Variants in THSD4 observed in about 807,000 individuals in gnomAD.
The protein encoded by THSD4 is thrombospondin type-1 domain-containing protein 4.
THSD4 carries 69 observed loss-of-function variants against 119.0 expected under a neutral mutation model. The observed-to-expected ratio is 0.58, with a 90% confidence interval of 0.48 to 0.71. THSD4 has a LOEUF of 0.71. Among genes scored for constraint, THSD4 ranks in the 30% least tolerant of loss-of-function variants. The pLI, the probability that THSD4 is intolerant of heterozygous loss-of-function variation, is 0.00. For missense variants in THSD4, 1,393 were observed against 1,391.1 expected (o/e 1.00, Z -0.02); for synonymous variants, 524 against 540.4 (o/e 0.97, Z 0.42).
intron 3 of THSD4, among the ~76,000 whole-genome samples, chr15:71,158,108 G>T (rs1330118878): frequency 6.8e-6 from 1 of 147,918 alleles, no homozygotes; most frequent in Non-Finnish European, 1.5e-5. Context: ...CCCACAGTAC[G>T]TAAGTGTTCA....
At chr15:71,223,318 ACT>A (rs1234860933) in intron 4 of THSD4, among the ~76,000 whole-genome samples, 2 of 152,142 alleles carry the variant, frequency 1.3e-5, no homozygotes, top group African/African-American at 4.8e-5. Flanking sequence ...GAAAGGTAAC[ACT>A]CATTAATTTA....
chr15:71,326,975 C>T (rs1232488353), intron 6 of THSD4, among the ~76,000 whole-genome samples: 1 of 151,392 alleles, frequency 6.6e-6, no homozygotes, highest in African/African-American at 2.4e-5. Context: ...CAAGACTAGC[C>T]TGACCAACAT....
At chr15:71,611,947 G>A (rs2050238422) in intron 7 of THSD4, among the ~76,000 whole-genome samples, 1 of 152,214 alleles carries the variant, frequency 6.6e-6, no homozygotes, top group Non-Finnish European at 1.5e-5. Flanking sequence ...CAGGGATGAG[G>A]TCTTGGAGGC....
At chr15:71,305,943 C>T (rs1039117883) in intron 6 of THSD4, among the ~76,000 whole-genome samples, 1 of 152,268 alleles carries the variant, frequency 6.6e-6, no homozygotes, top group South Asian at 2.1e-4. Context: ...ATGCAGCTTT[C>T]CCTTTATTAC....
intron 7 of THSD4, among the ~76,000 whole-genome samples, chr15:71,530,918 G>A (rs1330551109): frequency 1.3e-5 from 2 of 151,456 alleles, no homozygotes; most frequent in East Asian, 3.9e-4. Context: ...TGAAGTACAG[G>A]GGCTTAGAGA....
At chr15:71,532,323 T>TGTGTGTGTGC (rs2048625678) in intron 7 of THSD4, among the ~76,000 whole-genome samples, 1 of 144,294 alleles carries the variant, frequency 6.9e-6, no homozygotes, top group Non-Finnish European at 1.5e-5. Flanking sequence ...TGTGTGTGTG[T>TGTGTGTGTGC]GTGTGTGTGA....
At chr15:71,202,979 T>C (rs971910943) in intron 3 of THSD4, among the ~76,000 whole-genome samples, 11 of 152,058 alleles carry the variant, frequency 7.2e-5, no homozygotes. Flanking sequence ...ACATTGCTGG[T>C]GGGGACGTAG....
At chr15:71,634,786 C>T (rs920869689) in intron 7 of THSD4, among the ~76,000 whole-genome samples, 2 of 152,194 alleles carry the variant, frequency 1.3e-5, no homozygotes, top group African/African-American at 4.8e-5. Flanking sequence ...ATTCCATGTA[C>T]GCCTTACGCA....
At chr15:71,116,410 C>G (rs942188123) in intron 1 of THSD4, among the ~76,000 whole-genome samples, 1 of 152,224 alleles carries the variant, frequency 6.6e-6, no homozygotes, top group African/African-American at 2.4e-5. Flanking sequence ...ATAACATCAG[C>G]CCTCACTTGG....
intron 1 of THSD4, among the ~76,000 whole-genome samples, chr15:71,134,157 C>G (rs2040528334): frequency 6.6e-6 from 1 of 152,204 alleles, no homozygotes. Flanking sequence ...ACAAAAAGGA[C>G]AGCCTCTGTG....
intron 1 of THSD4, among the ~76,000 whole-genome samples, chr15:71,102,786 G>A (rs564837442): frequency 6.6e-6 from 1 of 152,028 alleles, no homozygotes; most frequent in Admixed American, 6.6e-5. Flanking sequence ...GGCTGATCTC[G>A]AACTCCTGAT....
intron 7 of THSD4, among the ~76,000 whole-genome samples, chr15:71,446,574 A>C (rs932223497): frequency 6.6e-6 from 1 of 152,334 alleles, no homozygotes; most frequent in East Asian, 1.9e-4. Flanking sequence ...CTTACATAGC[A>C]GGATATTTTT....
intron 1 of THSD4, among the ~76,000 whole-genome samples, chr15:71,103,945 G>C (rs779984876): frequency 1.3e-5 from 2 of 152,168 alleles, no homozygotes; most frequent in African/African-American, 2.4e-5. Flanking sequence ...GATACTGGGA[G>C]GGAAAAAAAT....
chr15:71,207,676 G>A (rs927923015), intron 3 of THSD4, among the ~76,000 whole-genome samples: 2 of 152,300 alleles, frequency 1.3e-5, no homozygotes, highest in Middle Eastern at 3.4e-3. Context: ...GATGGGCAGC[G>A]GCATTAGATT....
Position 71,757,131 on chromosome 15 carries a change from C to A in THSD4, c.2416-771C>A, listed in dbSNP as rs1455159480. On this transcript the variant is annotated intron_variant, in intron 14 of 17. Transcript: ENST00000261862. Reference sequence around the variant, plus strand: ...TTTCTATGCCAGTTGTCTAGATGAGCATGCCAAAGGTAGGAGGGGCTGGGT... The same window carrying A: ...TTTCTATGCCAGTTGTCTAGATGAGAATGCCAAAGGTAGGAGGGGCTGGGT... 2.6e-5 allele frequency among the ~76,000 whole-genome samples: 4 copies of A among 152,120 alleles called. 1 individual carries two copies. The highest frequency in any genetic ancestry group is 5.9e-5 in the Non-Finnish European group (4 of 68,022).
At chr15:71,464,193 C>T (rs2047467020) in intron 7 of THSD4, among the ~76,000 whole-genome samples, 1 of 152,134 alleles carries the variant, frequency 6.6e-6, no homozygotes, top group South Asian at 2.1e-4. Context: ...TTTTTCCCAT[C>T]AGGATGTGAC....
At chr15:71,443,158 A>G (rs1348848960) in intron 7 of THSD4, among the ~76,000 whole-genome samples, 1 of 152,190 alleles carries the variant, frequency 6.6e-6, no homozygotes, top group African/African-American at 2.4e-5. Context: ...TGGTTGAACT[A>G]TTCTTGCAAC....
At chr15:71,642,909 C>T (rs1480169990) in intron 7 of THSD4, among the ~76,000 whole-genome samples, 3 of 151,974 alleles carry the variant, frequency 2.0e-5, no homozygotes, top group Non-Finnish European at 4.4e-5. Flanking sequence ...ATGTAACTAA[C>T]CTGCACATTG....
chr15:71,651,664 T>A (rs2051093131), intron 7 of THSD4, among the ~76,000 whole-genome samples: 1 of 151,854 alleles, frequency 6.6e-6, no homozygotes, highest in African/African-American at 2.4e-5. Flanking sequence ...TTTTTGATGT[T>A]CCAAAAAAAT....
Sources: allele counts gnomAD v4.1 joint callset (sites outside exome capture counted in the v4.1 genomes callset), GRCh38; gene constraint gnomAD v4.1.1; transcripts MANE v1.5; gene names NCBI Gene and HGNC (gene_info 2026-07-23, HGNC 2026-07-21).